Variants in DBX1 observed in about 807,000 individuals in gnomAD.
DBX1 encodes the protein developing brain homeobox 1, also known as homeobox protein DBX1.
Under a neutral mutation model 20.8 loss-of-function variants are expected in DBX1, and 10 were observed. The observed-to-expected ratio is 0.48, with a 90% CI of 0.30 to 0.82. DBX1 has a LOEUF of 0.82. Among genes scored for constraint, DBX1 ranks in the 40% least tolerant of loss-of-function variants. The pLI, the probability that DBX1 is intolerant of heterozygous loss-of-function variation, is 0.07. For missense variants in DBX1, 505 were observed against 468.8 expected (o/e 1.08, Z -0.71); for synonymous variants, 241 against 213.9 (o/e 1.13, Z -1.11).
chr11:20,159,866 T>TG (rs2063679113), intron 1 of DBX1, 92 bp downstream of exon 1: 1 of 1,567,952 alleles, frequency 6.4e-7, no homozygotes, highest in Non-Finnish European at 8.7e-7. Context: ...GATGTGTGTG[T>TG]GGGGGCCCGC....
chr11:20,159,755 G>T (rs2063678667), intron 1 of DBX1, among the ~76,000 whole-genome samples: 1 of 152,236 alleles, frequency 6.6e-6, no homozygotes, highest in Non-Finnish European at 1.5e-5. Flanking sequence ...TCACTCCGAG[G>T]ATGGGGCGAG....
Position 20,156,803 on chromosome 11 carries a change from G to A in DBX1, c.673-230C>T. 1 of 805,280 alleles carries A rather than the reference G, an allele frequency of 1.2e-6. No homozygotes were observed. The highest frequency in any genetic ancestry group is 2.0e-6 in the Non-Finnish European group (1 of 501,540). The allele number at this position is 805,280 out of a possible 1,614,324, so 49.9% of individuals were successfully genotyped here. A position where few individuals can be genotyped will look rare whatever the true frequency, so the allele number is the denominator to read the frequency against. On this transcript the variant is annotated intron_variant, in intron 3 of 3. Coordinates refer to ENST00000524983, the MANE Select transcript of DBX1 (RefSeq NM_001029865.4). The surrounding 1 kb of genome is among the most constrained non-coding windows in gnomAD (Gnocchi z 4.8). ...CTGCCACCCTGCCCCGAAGGGCGGGGTTGGGGGCCGGTGAGGCCGGGAGAG... is the reference window on the plus strand; with the variant it reads ...CTGCCACCCTGCCCCGAAGGGCGGGATTGGGGGCCGGTGAGGCCGGGAGAG...
Position 20,157,859 on chromosome 11 carries a change from A to AG in DBX1, c.470-621dup, listed in dbSNP as rs1404378219. On this transcript the variant is annotated intron_variant, in intron 2 of 3. Transcript: ENST00000524983. ...TCCCAATGGGTATTGGTATGATAAA[A>AG]GGGGGGAGAGTTTTGCTTTAAGCGA... Among the ~76,000 whole-genome samples the AG allele has an allele frequency of 4.6e-5, 7 of 152,048 alleles. 1 individual carries two copies. Among genetic ancestry groups the AG allele is most frequent in the Admixed American group, 2.6e-4 (4 of 15,258 alleles).
chr11:20,157,558 GA>G (rs918364649), intron 2 of DBX1, among the ~76,000 whole-genome samples: 2 of 152,110 alleles, frequency 1.3e-5, no homozygotes, highest in African/African-American at 4.8e-5. Flanking sequence ...AACAGCAATA[GA>G]AAAAATAAAT....
At chr11:20,157,275 T>G (rs2063664979) in intron 2 of DBX1, 36 bp from the exon 3 acceptor site, 1 of 1,520,346 alleles carries the variant, frequency 6.6e-7, no homozygotes, top group African/African-American at 1.4e-5. Context: ...TGAGTGGGCG[T>G]ACGCCCCCCA....
intron 2 of DBX1, among the ~76,000 whole-genome samples, chr11:20,158,331 T>C: frequency 6.6e-6 from 1 of 152,036 alleles, no homozygotes; most frequent in Non-Finnish European, 1.5e-5. Context: ...GCTGTCGTGA[T>C]TTTACCCATC....
At chr11:20,157,376 C>A in intron 2 of DBX1, 137 bp from the exon 3 acceptor site, 1 of 780,986 alleles carries the variant, frequency 1.3e-6, no homozygotes, top group Non-Finnish European at 2.0e-6. Context: ...AGGCCACGAA[C>A]CTACAAACCT....
chr11:20,157,266 G>T (rs781386086), intron 2 of DBX1, 27 bp from the exon 3 acceptor site: 12 of 1,535,596 alleles, frequency 7.8e-6, no homozygotes, highest in Non-Finnish European at 4.4e-6. Context: ...GGTGGCGAGT[G>T]AGTGGGCGTA....
rs868480621 is a variant in DBX1 at position 20,159,975 on chromosome 11, G to A, written c.350C>T (p.Ser117Phe). 2 of 1,614,024 alleles carry A rather than the reference G, an allele frequency of 1.2e-6. No individual in the cohort carries two copies. Among genetic ancestry groups the A allele is most frequent in the African/African-American group, 2.7e-5 (2 of 75,062 alleles). Residue 117 changes from serine to phenylalanine, a missense_variant, in exon 1 of 4, where the codon TCC becomes TTC. Transcript: ENST00000524983. Reference protein sequence around the residue: ...FLKFGVNAILSSGPRTETSPA... With the variant: ...FLKFGVNAILFSGPRTETSPA... ...TCGCTTACCTGTTCTGGGCCCCGAGGAGAGGATGGCGTTCACTCCAAACTT... is the reference window on the plus strand; with the variant it reads ...TCGCTTACCTGTTCTGGGCCCCGAGAAGAGGATGGCGTTCACTCCAAACTT...
intron 1 of DBX1, 58 bp downstream of exon 1, chr11:20,159,900 G>C: frequency 1.9e-6 from 3 of 1,612,540 alleles, no homozygotes; most frequent in Non-Finnish European, 2.5e-6. Flanking sequence ...CTGAGGCCAG[G>C]ATGACTCCGC....
chr11:20,157,242 G>A lies in DBX1; in HGVS notation c.470-3C>T. ...GATGGGCACCACGCTGGAGGAAGCT[G>A]CAGGGTGGGGGGAGGTGGCGAGTGA... On this transcript the variant is annotated splice_polypyrimidine_tract_variant and splice_region_variant and intron_variant, in intron 2 of 3. Transcript: ENST00000524983. 2 of 1,559,250 alleles carry A rather than the reference G, an allele frequency of 1.3e-6. No individual in the cohort carries two copies. Among genetic ancestry groups the A allele is most frequent in the Non-Finnish European group, 8.7e-7 (1 of 1,155,592 alleles).
rs201030070 is a variant in DBX1, at chr11:20,157,118, C to T, written c.591G>A (p.Glu197=). ...VFSDVQRKAL[E]KMFQKQKYIS... ...TGTACTTCTGCTTCTGGAACATCTT[C>T]TCCAGCGCCTTCCGCTGCACGTCGG... The change falls in exon 3 of 4, where the codon GAG becomes GAA. Residue 197 remains glutamate (E), a synonymous_variant. Coordinates refer to ENST00000524983, the MANE Select transcript of DBX1 (RefSeq NM_001029865.4). The T allele has an allele frequency of 9.7e-4, 1,570 of 1,613,884 alleles. 1 individual carries two copies. Among genetic ancestry groups the T allele is most frequent in the Non-Finnish European group, 1.3e-3 (1,499 of 1,179,994 alleles).
Position 20,160,013 on chromosome 11 carries a change from C to T in DBX1, c.312G>A (p.Glu104=). 6.2e-7 allele frequency: 1 copy of T among 1,612,412 alleles called. No homozygotes were observed. The highest frequency in any genetic ancestry group is 1.1e-5 in the South Asian group (1 of 90,652). The part of the protein sequence containing the change: ...SPPTAFSPAS[E]TTFLKFGVNA... The stretch of plus-strand genomic sequence containing the variant: ...TCACTCCAAACTTCAGAAACGTCGT[C>T]TCGCTGGCAGGGGAGAAGGCAGTCG... The change falls in exon 1 of 4, where the codon GAG becomes GAA. Residue 104 remains glutamate (E), a synonymous_variant. Coordinates refer to ENST00000524983, the MANE Select transcript of DBX1 (RefSeq NM_001029865.4).
In DBX1 at chr11:20,160,303, C is replaced by A; in HGVS notation, c.22G>T (p.Ala8Ser). MMFPGLL[A>S]PPAGYPSLLR... ...AGGCTAGGGTACCCGGCGGGGGGCG[C>A]GAGGAGGCCGGGGAACATCATGGTA... Residue 8 changes from alanine (A) to serine (S), a missense_variant, in exon 1 of 4, where the codon GCG becomes TCG. Coordinates refer to ENST00000524983, the MANE Select transcript of DBX1 (RefSeq NM_001029865.4). The A allele has an allele frequency of 1.3e-6, 2 of 1,524,746 alleles. No homozygotes were observed. The highest frequency in any genetic ancestry group is 8.8e-7 in the Non-Finnish European group (1 of 1,137,896). The allele number at this position is 1,524,746 out of a possible 1,614,324, so 94.5% of individuals were successfully genotyped here.
Position 20,160,102 on chromosome 11 carries a change from T to C in DBX1, c.223A>G (p.Thr75Ala). ...PPRQGAPTALTDTGASDLGSP... is the reference protein window; with the variant it reads ...PPRQGAPTALADTGASDLGSP... Reference sequence around the variant, plus strand: ...CCCAGGTCCGAGGCCCCCGTGTCGGTGAGGGCCGTGGGGGCCCCCTGCCTG... The same window carrying C: ...CCCAGGTCCGAGGCCCCCGTGTCGGCGAGGGCCGTGGGGGCCCCCTGCCTG... The change falls in exon 1 of 4, where the codon ACC (threonine) becomes GCC (alanine). Residue 75 changes from threonine (T) to alanine (A), a missense_variant. Thr to Ala is a moderately conservative substitution (Grantham distance 58, BLOSUM62 0). Coordinates refer to ENST00000524983, the MANE Select transcript of DBX1 (RefSeq NM_001029865.4). 1 of 1,554,396 alleles carries C rather than the reference T, an allele frequency of 6.4e-7. No homozygotes were observed. The highest frequency in any genetic ancestry group is 8.7e-7 in the Non-Finnish European group (1 of 1,148,762).
Position 20,157,030 on chromosome 11 carries a change from C to A in DBX1, c.672+7G>T. ...CGGGGGGGGTGCTGTGGAGGAAATG[C>A]GCTCACCTGCGAGTCTTTCAGGCCC... is the stretch of plus-strand genomic sequence containing the variant. On this transcript the variant is annotated splice_region_variant and intron_variant, in intron 3 of 3. Transcript: ENST00000524983. 1 of 1,613,368 alleles carries A rather than the reference C, an allele frequency of 6.2e-7. No homozygotes were observed. Among genetic ancestry groups the A allele is most frequent in the East Asian group, 2.2e-5 (1 of 44,866 alleles).
In DBX1 at chr11:20,160,092, C is replaced by T; in HGVS notation, c.233G>A (p.Gly78Glu). ...QGAPTALTDT[G>E]ASDLGSPGPG... ...ACCCGGGGAGCCCAGGTCCGAGGCCCCCGTGTCGGTGAGGGCCGTGGGGGC... is the reference window on the plus strand; with the variant it reads ...ACCCGGGGAGCCCAGGTCCGAGGCCTCCGTGTCGGTGAGGGCCGTGGGGGC... Residue 78 changes from glycine (G) to glutamate (E), a missense_variant, in exon 1 of 4, where the codon GGG (glycine) becomes GAG (glutamate). Physicochemically the swap from Gly to Glu is moderately conservative, Grantham distance 98. Transcript: ENST00000524983. The T allele has an allele frequency of 6.4e-7, 1 of 1,559,792 alleles. No homozygotes were observed. Among genetic ancestry groups the T allele is most frequent in the South Asian group, 1.2e-5 (1 of 85,218 alleles).
chr11:20,159,963 C>G lies in DBX1; in HGVS notation c.362G>C (p.Arg121Thr). The G allele has an allele frequency of 6.2e-7, 1 of 1,614,042 alleles. No homozygotes were observed. The highest frequency in any genetic ancestry group is 8.5e-7 in the Non-Finnish European group (1 of 1,180,006). ...AGGGTTCTGACCTCGCTTACCTGTTCTGGGCCCCGAGGAGAGGATGGCGTT... is the reference window on the plus strand; with the variant it reads ...AGGGTTCTGACCTCGCTTACCTGTTGTGGGCCCCGAGGAGAGGATGGCGTT... ...GVNAILSSGP[R>T]TETSPALLQS... The change falls in exon 1 of 4, where the codon AGA becomes ACA. Residue 121 changes from arginine (R) to threonine (T), a missense_variant. By Grantham distance (71) the Arg-to-Thr change is moderately conservative. Coordinates refer to ENST00000524983, the MANE Select transcript of DBX1 (RefSeq NM_001029865.4).
intron 2 of DBX1, 58 bp downstream of exon 2, chr11:20,159,133 G>A (rs1008650524): frequency 5.4e-5 from 66 of 1,230,810 alleles, no homozygotes; most frequent in Non-Finnish European, 7.6e-5. Flanking sequence ...AGCAGGGAGC[G>A]ATGGGCCGGG....
Sources: gnomAD v4.1 joint callset for allele counts (sites outside exome capture counted in the v4.1 genomes callset) on GRCh38, gnomAD v4.1.1 for gene constraint, Gnocchi (gnomAD v3.1) non-coding constraint, MANE v1.5 for transcripts, NCBI Gene and HGNC (gene_info 2026-07-23, HGNC 2026-07-21) for gene names.